The following DGKB variants were observed in gnomAD, a reference collection of about 807,000 sequenced individuals.
The protein encoded by DGKB is diacylglycerol kinase beta, also known as 90 kDa diacylglycerol kinase.
In DGKB, 67 loss-of-function variants were observed where a neutral mutation model predicts 114.3. The ratio of observed to expected loss-of-function variants is 0.59; its 90% CI spans 0.48 to 0.72. The LOEUF (loss-of-function observed/expected upper bound fraction) is 0.72, where lower values mean the gene tolerates loss of function less well. DGKB is among the 30% of genes least tolerant of loss of function. DGKB has a pLI of 0.00. For missense variants in DGKB, 907 were observed against 975.2 expected, an observed-to-expected ratio of 0.93 and a Z score of 0.93; for synonymous variants, 398 against 323.1, an observed-to-expected ratio of 1.23 and a Z score of -2.49.
chr7:14,498,559 G>A lies in DGKB; in HGVS notation c.1771-20334C>T, dbSNP rs903111278. Reference sequence around the variant, plus strand: ...GAATTAAAATGCAGGCATCCTTTTCGATTTTATGATTAATCATCAGAATTA... The same window carrying A: ...GAATTAAAATGCAGGCATCCTTTTCAATTTTATGATTAATCATCAGAATTA... On this transcript the variant is annotated intron_variant, in intron 20 of 25. Transcript: ENST00000402815. Among the ~76,000 whole-genome samples the A allele has an allele frequency of 8.6e-5, 13 of 151,718 alleles. No individual in the cohort carries two copies. In the South Asian group the frequency reaches 2.3e-3, roughly 27 times the overall value.
At chr7:14,742,583 A>G (rs940860631) in intron 4 of DGKB, among the ~76,000 whole-genome samples, 1 of 152,236 alleles carries the variant, frequency 6.6e-6, no homozygotes, top group East Asian at 1.9e-4. Context: ...CTTTGGCCTT[A>G]GAGAACTGTT....
intron 21 of DGKB, among the ~76,000 whole-genome samples, chr7:14,422,187 G>C (rs1826818670): frequency 6.6e-6 from 1 of 151,878 alleles, no homozygotes; most frequent in South Asian, 2.1e-4. Flanking sequence ...CCTTTCAATT[G>C]TTTCTAAATA....
chr7:14,619,894 C>A (rs1184362294), intron 15 of DGKB, among the ~76,000 whole-genome samples: 1 of 151,544 alleles, frequency 6.6e-6, no homozygotes, highest in Non-Finnish European at 1.5e-5. Context: ...ATATGCTTCC[C>A]ATCTGTGATG....
intron 23 of DGKB, among the ~76,000 whole-genome samples, chr7:14,216,022 C>G (rs1788901035): frequency 6.6e-6 from 1 of 152,032 alleles, no homozygotes; most frequent in Non-Finnish European, 1.5e-5. Flanking sequence ...TATGTTAGAA[C>G]TTTAAAGAGT....
At chr7:14,333,847 G>A (rs1434547654) in intron 23 of DGKB, among the ~76,000 whole-genome samples, 2 of 152,132 alleles carry the variant, frequency 1.3e-5, no homozygotes, top group Non-Finnish European at 1.5e-5. Context: ...GATACTTGCT[G>A]TATCATTGAA....
chr7:14,605,563 G>A (rs1008908259), intron 17 of DGKB, among the ~76,000 whole-genome samples: 1 of 151,804 alleles, frequency 6.6e-6, no homozygotes, highest in Non-Finnish European at 1.5e-5. Context: ...TCATTGTAGT[G>A]TAGACTTTTT....
At chr7:14,455,714 T>C (rs745787610) in intron 21 of DGKB, among the ~76,000 whole-genome samples, 1 of 152,052 alleles carries the variant, frequency 6.6e-6, no homozygotes, top group Non-Finnish European at 1.5e-5. Context: ...TTTAAATGAA[T>C]GTGCACTGAA....
rs567491716 is a variant in DGKB, at chr7:14,469,160, C to A, written c.1835+9001G>T. Among the ~76,000 whole-genome samples the A allele has an allele frequency of 1.2e-4, 19 of 152,048 alleles. No individual in the cohort carries two copies. The South Asian group carries it at 3.9e-3, about 32-fold the overall frequency. ...TGTAAAGTTACAAAGTAGAATTTTT[C>A]TCTGGTTTATATTCTTCTGTGGAAT... On this transcript the variant is annotated intron_variant, in intron 21 of 25. Transcript: ENST00000402815.
chr7:14,384,818 T>C (rs1008241070), intron 21 of DGKB, among the ~76,000 whole-genome samples: 1 of 152,128 alleles, frequency 6.6e-6, no homozygotes, highest in African/African-American at 2.4e-5. Context: ...TGGCATTTGA[T>C]AGGCAGAGGC....
intron 5 of DGKB, among the ~76,000 whole-genome samples, chr7:14,719,910 A>AGT (rs1406392536): frequency 6.6e-6 from 1 of 152,198 alleles, no homozygotes; most frequent in Non-Finnish European, 1.5e-5. Context: ...TGTGAGGTAG[A>AGT]GTGCATTTTC....
intron 25 of DGKB, among the ~76,000 whole-genome samples, chr7:14,151,213 C>G (rs1782145916): frequency 6.6e-6 from 1 of 151,934 alleles, no homozygotes; most frequent in African/African-American, 2.4e-5. Context: ...AATTTCTGGA[C>G]TAAATGCTTT....
chr7:14,313,894 T>G (rs547314088), intron 23 of DGKB, among the ~76,000 whole-genome samples: 56 of 152,330 alleles, frequency 3.7e-4, no homozygotes, highest in Non-Finnish European at 7.6e-4. Flanking sequence ...CTGACAGCTT[T>G]GAAGAGAGCA....
chr7:14,935,187 C>T (rs1785211867), intron 1 of DGKB, among the ~76,000 whole-genome samples: 1 of 152,080 alleles, frequency 6.6e-6, no homozygotes, highest in African/African-American at 2.4e-5. Flanking sequence ...TGAATTGTGG[C>T]TGTTTTTAAA....
At chr7:14,837,930 G>T (rs762421791) in intron 2 of DGKB, among the ~76,000 whole-genome samples, 9 of 152,168 alleles carry the variant, frequency 5.9e-5, no homozygotes, top group Admixed American at 3.9e-4. Flanking sequence ...TAAAAATAGC[G>T]TAATAATCAT....
intron 23 of DGKB, among the ~76,000 whole-genome samples, chr7:14,324,409 C>T (rs192645197): frequency 1.5e-3 from 223 of 147,248 alleles, no homozygotes; most frequent in African/African-American, 5.3e-3. Flanking sequence ...ATTGCACCAC[C>T]GCACTCCAGC....
intron 20 of DGKB, among the ~76,000 whole-genome samples, chr7:14,480,196 A>G (rs950798094): frequency 4.6e-5 from 7 of 152,030 alleles, no homozygotes; most frequent in Non-Finnish European, 1.0e-4. Context: ...CTAGACTATA[A>G]TTGGGTAAAC....
intron 23 of DGKB, among the ~76,000 whole-genome samples, chr7:14,214,968 C>T (rs1788717889): frequency 6.6e-6 from 1 of 152,140 alleles, no homozygotes; most frequent in South Asian, 2.1e-4. Context: ...TCCTCCCACT[C>T]AACATTTAGT....
rs564880679 is a variant in DGKB at position 14,160,064 on chromosome 7, C to T, written c.2305-10826G>A. ...CATGTTTAATAATAGCTATTTTGTTCACCTCACAGATTTGTCATGAGAATG... is the reference window on the plus strand; with the variant it reads ...CATGTTTAATAATAGCTATTTTGTTTACCTCACAGATTTGTCATGAGAATG... On this transcript the variant is annotated intron_variant, in intron 25 of 25. Transcript: ENST00000402815. 1.7e-3 allele frequency among the ~76,000 whole-genome samples: 259 copies of T among 152,124 alleles called. 4 individuals carry two copies. The highest frequency in any genetic ancestry group is 3.9e-3 in the South Asian group (19 of 4,816).
chr7:14,248,536 C>A (rs900254230), intron 23 of DGKB, among the ~76,000 whole-genome samples: 2 of 151,892 alleles, frequency 1.3e-5, no homozygotes, highest in South Asian at 4.2e-4. Flanking sequence ...TTTATCACTG[C>A]TTTGTAGTTT....
Sources: allele counts gnomAD v4.1 joint callset (sites outside exome capture counted in the v4.1 genomes callset), GRCh38; gene constraint gnomAD v4.1.1; transcripts MANE v1.5; gene names NCBI Gene and HGNC (gene_info 2026-07-23, HGNC 2026-07-21).